GALNT17: variants seen among roughly 807,000 people sequenced by gnomAD.
GALNT17 encodes UDP-GalNAc:polypeptide N-acetylgalactosaminyltransferase-like 3.
A neutral mutation model predicts 63.7 loss-of-function variants in GALNT17; 29 were observed. The ratio of observed to expected loss-of-function variants is 0.46; its 90% confidence interval spans 0.34 to 0.62. GALNT17 has a LOEUF of 0.62. GALNT17 is among the 20% of genes least tolerant of loss of function. The pLI is 0.01. For synonymous variants in GALNT17, 305 were observed against 318.3 expected, an observed-to-expected ratio of 0.96 and a Z score of 0.45; for missense variants, 603 against 799.6, an observed-to-expected ratio of 0.75 and a Z score of 2.97.
rs150977182 is a variant in GALNT17, at chr7:71,251,310, A to G, written c.239-84240A>G. ...AAAATATTACAGATACTTGCCTTCTATTTCTGTATGGTTCATTTTAAAATG... is the reference window on the plus strand; with the variant it reads ...AAAATATTACAGATACTTGCCTTCTGTTTCTGTATGGTTCATTTTAAAATG... On this transcript the variant is annotated intron_variant, in intron 1 of 10. Transcript: ENST00000333538. 1.5e-3 allele frequency among the ~76,000 whole-genome samples: 235 copies of G among 152,252 alleles called. 5 individuals are homozygous for G. The East Asian group carries it at 0.041, about 27-fold the overall frequency.
At chr7:71,573,978 T>C (rs1789494282) in intron 6 of GALNT17, among the ~76,000 whole-genome samples, 1 of 152,206 alleles carries the variant, frequency 6.6e-6, no homozygotes, top group Non-Finnish European at 1.5e-5. Flanking sequence ...GGCCTCCAGC[T>C]CCATCCGTGA....
chr7:71,429,807 A>C (rs1030910039), intron 5 of GALNT17, among the ~76,000 whole-genome samples: 2 of 152,158 alleles, frequency 1.3e-5, no homozygotes, highest in South Asian at 4.1e-4. Context: ...CCTGGGTTCA[A>C]GCGATTCTCC....
intron 5 of GALNT17, among the ~76,000 whole-genome samples, chr7:71,478,905 T>G (rs1468723759): frequency 1.3e-5 from 2 of 152,194 alleles, no homozygotes; most frequent in Non-Finnish European, 2.9e-5. Flanking sequence ...TTAGGAACCC[T>G]CTTTTGATAA....
rs549362817 is a variant in GALNT17, at chr7:71,178,454, A to T, written c.238+45414A>T. 8.5e-5 allele frequency among the ~76,000 whole-genome samples: 13 copies of T among 152,238 alleles called. 1 individual carries two copies. The East Asian group carries it at 2.5e-3, about 29-fold the overall frequency. On this transcript the variant is annotated intron_variant, in intron 1 of 10. Transcript: ENST00000333538. ...GTCTTTCACTAAATCTGTAAGTTGTAGGCCTATTTCTTCACGTCTTTTCTG... is the reference window on the plus strand; with the variant it reads ...GTCTTTCACTAAATCTGTAAGTTGTTGGCCTATTTCTTCACGTCTTTTCTG...
At chr7:71,156,108 A>G (rs1231137397) in intron 1 of GALNT17, among the ~76,000 whole-genome samples, 3 of 151,734 alleles carry the variant, frequency 2.0e-5, no homozygotes, top group African/African-American at 7.3e-5. Context: ...AGGCAGCAGA[A>G]TCCCTTGAAC....
intron 1 of GALNT17, among the ~76,000 whole-genome samples, chr7:71,175,038 T>G (rs1419520287): frequency 6.6e-6 from 1 of 152,264 alleles, no homozygotes; most frequent in African/African-American, 2.4e-5. Context: ...ACAATTAATG[T>G]TTTGCCATGT....
intron 2 of GALNT17, among the ~76,000 whole-genome samples, chr7:71,373,557 C>A (rs1443121417): frequency 6.6e-6 from 1 of 152,086 alleles, no homozygotes; most frequent in Non-Finnish European, 1.5e-5. Context: ...GGTGAGCAAG[C>A]GAAGCTTCAC....
intron 5 of GALNT17, among the ~76,000 whole-genome samples, chr7:71,527,852 G>A (rs1282359246): frequency 6.6e-6 from 1 of 152,138 alleles, no homozygotes; most frequent in Non-Finnish European, 1.5e-5. Flanking sequence ...CTCTGTCATA[G>A]AGACACACCC....
At chr7:71,346,059 G>A (rs1251413601) in intron 2 of GALNT17, among the ~76,000 whole-genome samples, 1 of 150,440 alleles carries the variant, frequency 6.6e-6, no homozygotes, top group Non-Finnish European at 1.5e-5. Flanking sequence ...TGGATATGGT[G>A]GCTTGTGCCT....
At chr7:71,376,621 G>A (rs1792733982) in intron 2 of GALNT17, among the ~76,000 whole-genome samples, 1 of 151,516 alleles carries the variant, frequency 6.6e-6, no homozygotes, top group Non-Finnish European at 1.5e-5. Flanking sequence ...AAGCAGTGCT[G>A]TACAAAGCAG....
chr7:71,194,225 T>C (rs541203488), intron 1 of GALNT17, among the ~76,000 whole-genome samples: 1 of 152,120 alleles, frequency 6.6e-6, no homozygotes, highest in South Asian at 2.1e-4. Flanking sequence ...CAAGCAGATA[T>C]GATGTCCATG....
intron 1 of GALNT17, among the ~76,000 whole-genome samples, chr7:71,156,557 A>C (rs1194117680): frequency 2.0e-5 from 3 of 148,106 alleles, no homozygotes; most frequent in African/African-American, 7.7e-5. Flanking sequence ...GTGACAATTA[A>C]ATTCATTTAT....
chr7:71,701,651 T>C (rs1248908538), intron 9 of GALNT17, among the ~76,000 whole-genome samples: 2 of 150,828 alleles, frequency 1.3e-5, no homozygotes, highest in African/African-American at 4.9e-5. Flanking sequence ...CACAGCACTA[T>C]CCACAATAAC....
At chr7:71,648,301 C>T (rs1474011235) in intron 6 of GALNT17, among the ~76,000 whole-genome samples, 4 of 150,682 alleles carry the variant, frequency 2.7e-5, no homozygotes, top group African/African-American at 9.8e-5. Context: ...GACAAAGTCT[C>T]ACTCTGTTGC....
At chr7:71,455,506 G>GT (rs59094741) in intron 5 of GALNT17, among the ~76,000 whole-genome samples, 23,211 of 146,790 alleles carry the variant, frequency 0.16, 1,818 homozygotes, top group Middle Eastern at 0.23. Flanking sequence ...TTTTGTTTTT[G>GT]TTTTTTTTTT....
intron 5 of GALNT17, among the ~76,000 whole-genome samples, chr7:71,524,504 G>GC (rs1788592593): frequency 6.6e-6 from 1 of 151,956 alleles, no homozygotes. Context: ...TCTACCCAAA[G>GC]CCTACACATG....
At chr7:71,486,763 T>A (rs1198625598) in intron 5 of GALNT17, among the ~76,000 whole-genome samples, 2 of 150,400 alleles carry the variant, frequency 1.3e-5, no homozygotes, top group Non-Finnish European at 3.0e-5. Flanking sequence ...CTCAGGAGGC[T>A]GAGGTGGGAG....
At chr7:71,504,904 C>T (rs185084285) in intron 5 of GALNT17, among the ~76,000 whole-genome samples, 151 of 152,230 alleles carry the variant, frequency 9.9e-4, no homozygotes, top group Non-Finnish European at 1.8e-3. Flanking sequence ...CCATTGTCAT[C>T]TCTCCCCTGG....
chr7:71,379,276 G>A (rs1792800406), intron 2 of GALNT17, among the ~76,000 whole-genome samples: 1 of 152,106 alleles, frequency 6.6e-6, no homozygotes. Flanking sequence ...CATAGTGGCT[G>A]GAGAAAGGGC....
Sources: allele counts gnomAD v4.1 joint callset (sites outside exome capture counted in the v4.1 genomes callset), GRCh38; gene constraint gnomAD v4.1.1; transcripts MANE v1.5; gene names NCBI Gene and HGNC (gene_info 2026-07-23, HGNC 2026-07-21).